NBAS: variants seen among roughly 807,000 people sequenced by gnomAD.
NBAS encodes NAG/BC035112 fusion.
Under a neutral mutation model 302.5 loss-of-function variants are expected in NBAS, and 219 were observed. The ratio of observed to expected loss-of-function variants is 0.72; its 90% CI spans 0.65 to 0.81. The LOEUF is 0.81. Among genes scored for constraint, NBAS ranks in the 30% least tolerant of loss-of-function variants. NBAS has a pLI of 0.00. For missense variants in NBAS, 2,932 were observed against 2,841.6 expected (o/e 1.03, Z -0.72); for synonymous variants, 1,118 against 1,021.6 (o/e 1.09, Z -1.80).
intron 31 of NBAS, among the ~76,000 whole-genome samples, chr2:15,370,768 T>C (rs1224336081): frequency 6.6e-6 from 1 of 152,246 alleles, no homozygotes; most frequent in Non-Finnish European, 1.5e-5. Flanking sequence ...ATGGAGGCAT[T>C]TATCCAATGC....
chr2:15,299,628 C>A (rs932306662), intron 40 of NBAS, among the ~76,000 whole-genome samples: 3 of 152,174 alleles, frequency 2.0e-5, no homozygotes, highest in Non-Finnish European at 4.4e-5. Flanking sequence ...GTTTGCTTCC[C>A]TAGTCTATAA....
the NBAS span, among the ~76,000 whole-genome samples, chr2:14,919,059 A>G: frequency 0.16 from 24,542 of 152,050 alleles, 2,023 homozygotes; most frequent in Middle Eastern, 0.19. Context: ...ACATGCCTGG[A>G]GCAGATTTGA....
the NBAS span, among the ~76,000 whole-genome samples, chr2:15,129,680 G>A: frequency 6.6e-6 from 1 of 152,086 alleles, no homozygotes; most frequent in Non-Finnish European, 1.5e-5. Context: ...TTTACCACCT[G>A]GACATTCTCA....
chr2:15,257,540 C>T (rs1008345952), intron 44 of NBAS, among the ~76,000 whole-genome samples: 14 of 152,026 alleles, frequency 9.2e-5, no homozygotes, highest in African/African-American at 3.1e-4. Context: ...TTGCAAAAGC[C>T]TGCCACCACA....
chr2:15,333,823 G>T (rs1018984499), intron 35 of NBAS, among the ~76,000 whole-genome samples: 1 of 148,354 alleles, frequency 6.7e-6, no homozygotes, highest in Non-Finnish European at 1.5e-5. Context: ...GTGAAGCAAG[G>T]TTAGATACAG....
the NBAS span, among the ~76,000 whole-genome samples, chr2:14,797,174 C>A: frequency 6.6e-6 from 1 of 151,946 alleles, no homozygotes; most frequent in African/African-American, 2.4e-5. Flanking sequence ...TGGGGGGTGA[C>A]CCACCTTCGG....
intron 44 of NBAS, 39 bp from the exon 45 acceptor site, chr2:15,238,725 T>A: frequency 6.4e-7 from 1 of 1,558,464 alleles, no homozygotes; most frequent in Non-Finnish European, 8.8e-7. Flanking sequence ...AACCCTGCAT[T>A]ATTACCTATT....
At chr2:15,416,085 CAGAGAGAGAGAG>C (rs142747790) in intron 24 of NBAS, among the ~76,000 whole-genome samples, 105 of 147,832 alleles carry the variant, frequency 7.1e-4, no homozygotes, top group African/African-American at 2.5e-3. Context: ...TACGCAAAAA[CAGAGAGAGAGAG>C]AGAGAGAGAG....
intron 35 of NBAS, among the ~76,000 whole-genome samples, chr2:15,344,075 T>C (rs192680800): frequency 1.4e-3 from 217 of 150,910 alleles, no homozygotes; most frequent in Non-Finnish European, 2.5e-3. Context: ...GGTAAAATAT[T>C]TGAATACCAT....
chr2:15,476,448 C>T lies in NBAS; in HGVS notation c.1148-568G>A, dbSNP rs111552984. Among the ~76,000 whole-genome samples the T allele has an allele frequency of 1.6e-3, 246 of 152,124 alleles. 1 individual carries two copies. The highest frequency in any genetic ancestry group is 2.9e-3 in the Non-Finnish European group (198 of 68,004). Reference sequence around the variant, plus strand: ...AAATGAAAATGAATTATGGGCCGGGCACAGTGGTTCACGCCTGTAATCCCA... The same window carrying T: ...AAATGAAAATGAATTATGGGCCGGGTACAGTGGTTCACGCCTGTAATCCCA... On this transcript the variant is annotated intron_variant, in intron 13 of 51. Transcript: ENST00000281513.
intron 38 of NBAS, among the ~76,000 whole-genome samples, chr2:15,324,217 T>A (rs562908021): frequency 3.9e-5 from 6 of 152,296 alleles, no homozygotes; most frequent in Admixed American, 1.3e-4. Flanking sequence ...TGGAATAATA[T>A]TCTTCTACTT....
chr2:15,365,705 C>T (rs889459601), intron 32 of NBAS, among the ~76,000 whole-genome samples: 7 of 152,056 alleles, frequency 4.6e-5, no homozygotes, highest in Middle Eastern at 3.2e-3. Context: ...ATGACACACA[C>T]GATTACTAAA....
At chr2:15,468,314 C>A (rs2148574000) in intron 17 of NBAS, 68 bp downstream of exon 17, 2 of 1,566,220 alleles carry the variant, frequency 1.3e-6, no homozygotes, top group East Asian at 4.5e-5. Context: ...TTACCCAGTC[C>A]AATGTCTCAG....
the NBAS span, among the ~76,000 whole-genome samples, chr2:15,074,666 A>T: frequency 3.9e-5 from 6 of 152,190 alleles, no homozygotes; most frequent in South Asian, 2.1e-4. Flanking sequence ...TAGGGGAAAA[A>T]CATAAACAAA....
Position 15,182,935 on chromosome 2 carries a change from C to T in NBAS, c.6711+3807G>A, listed in dbSNP as rs13424962. On this transcript the variant is annotated intron_variant, in intron 50 of 51. Coordinates refer to ENST00000281513, the MANE Select transcript of NBAS (RefSeq NM_015909.4). The stretch of plus-strand genomic sequence containing the variant: ...GTAAGCATGGGAGCTTAGTGAAAAA[C>T]GGGAAATGGAGATGAAGAAAAAGGT... Among the ~76,000 whole-genome samples, 593 of 151,796 alleles carry T rather than the reference C, an allele frequency of 3.9e-3. 7 individuals carry two copies. The highest frequency in any genetic ancestry group is 0.014 in the Middle Eastern group (4 of 294).
intron 42 of NBAS, among the ~76,000 whole-genome samples, chr2:15,279,116 T>C (rs1455094600): frequency 2.0e-5 from 3 of 152,044 alleles, no homozygotes; most frequent in Middle Eastern, 3.2e-3. Flanking sequence ...AGGAAGTAAA[T>C]AAGAAACTGT....
At chr2:15,211,173 C>T (rs993464327) in intron 48 of NBAS, among the ~76,000 whole-genome samples, 4 of 151,958 alleles carry the variant, frequency 2.6e-5, no homozygotes, top group Admixed American at 2.6e-4. Context: ...GTGGTACATG[C>T]CCCATTTATC....
chr2:15,308,990 G>A (rs2148161329), intron 39 of NBAS, among the ~76,000 whole-genome samples, 181 bp downstream of exon 39: 1 of 151,686 alleles, frequency 6.6e-6, no homozygotes, highest in Admixed American at 6.6e-5. Context: ...TGCACATTGT[G>A]CACATGTACC....
chr2:14,900,980 C>T, the NBAS span, among the ~76,000 whole-genome samples: 1 of 152,164 alleles, frequency 6.6e-6, no homozygotes, highest in Admixed American at 6.6e-5. Context: ...GTGGCTGATA[C>T]TTGAGGTCCA....
Sources: gnomAD v4.1 joint callset for allele counts (sites outside exome capture counted in the v4.1 genomes callset) on GRCh38, gnomAD v4.1.1 for gene constraint, MANE v1.5 for transcripts, NCBI Gene and HGNC (gene_info 2026-07-23, HGNC 2026-07-21) for gene names.